The following MAGI3 variants were observed in gnomAD, a reference collection of about 807,000 sequenced individuals.
MAGI3 encodes membrane-associated guanylate kinase, WW and PDZ domain-containing protein 3.
Under a neutral mutation model 121.8 loss-of-function variants are expected in MAGI3, and 43 were observed. The observed-to-expected ratio is 0.35, with a 90% confidence interval of 0.28 to 0.46. The LOEUF (loss-of-function observed/expected upper bound fraction) is 0.46. Among genes scored for constraint, MAGI3 ranks in the 20% least tolerant of loss-of-function variants. The pLI is 1.00. For synonymous variants in MAGI3, 553 were observed against 639.3 expected, an observed-to-expected ratio of 0.86 and a Z score of 2.04; for missense variants, 1,547 against 1,797.3, an observed-to-expected ratio of 0.86 and a Z score of 2.52.
In MAGI3 at chr1:113,684,202, C is replaced by T; in HGVS notation, c.*188C>T. On this transcript the variant is annotated 3_prime_UTR_variant, in exon 21 of 21. Coordinates refer to ENST00000307546, the MANE Select transcript of MAGI3 (RefSeq NM_001142782.2). Reference sequence around the variant, plus strand: ...AAGAACCAACTGTCCCCCTGGCCGGCTGCCCTCCCTCGCTCTCAGGAAGGA... The same window carrying T: ...AAGAACCAACTGTCCCCCTGGCCGGTTGCCCTCCCTCGCTCTCAGGAAGGA... 1 of 579,706 alleles carries T rather than the reference C, an allele frequency of 1.7e-6. No homozygotes were observed. Among genetic ancestry groups the T allele is most frequent in the Non-Finnish European group, 2.7e-6 (1 of 366,296 alleles). 35.9% of individuals were successfully genotyped at this position (579,706 alleles called of 1,614,324 possible).
intron 2 of MAGI3, among the ~76,000 whole-genome samples, chr1:113,558,802 G>A (rs762835241): frequency 1.3e-5 from 2 of 152,096 alleles, no homozygotes; most frequent in Non-Finnish European, 2.9e-5. Flanking sequence ...AAAATGTTAA[G>A]CACAGCCAGA....
chr1:113,673,427 G>C lies in MAGI3; in HGVS notation c.3151G>C (p.Ala1051Pro). 6.2e-7 allele frequency: 1 copy of C among 1,612,980 alleles called. No homozygotes were observed. Residue 1051 changes from alanine to proline, a missense_variant, in exon 19 of 21, where the codon GCT becomes CCT. Transcript: ENST00000307546. ...YNMGLFILRL[A>P]EDGPAIKDGR... The stretch of plus-strand genomic sequence containing the variant: ...CATGGGGCTGTTCATCCTTCGTCTT[G>C]CTGAAGATGGTCCTGCCATCAAAGA...
At position 113,642,265 on chromosome 1, in the gene MAGI3, C is replaced by T; in HGVS notation, c.1715C>T (p.Ser572Phe). ...QRVSMASSGS[S>F]QPELVTIPLI... ...GTATCCATGGCATCGTCAGGCAGCTCCCAGCCTGAACTAGTGACTATCCCT... is the reference window on the plus strand; with the variant it reads ...GTATCCATGGCATCGTCAGGCAGCTTCCAGCCTGAACTAGTGACTATCCCT... The change falls in exon 10 of 21, where the codon TCC becomes TTC. Residue 572 changes from serine (S) to phenylalanine (F), a missense_variant. By Grantham distance (155) the Ser-to-Phe change is radical. Transcript: ENST00000307546. 6.2e-7 allele frequency: 1 copy of T among 1,614,158 alleles called. No homozygotes were observed. The highest frequency in any genetic ancestry group is 8.5e-7 in the Non-Finnish European group (1 of 1,180,026).
chr1:113,575,273 G>C (rs1373190897), intron 2 of MAGI3, among the ~76,000 whole-genome samples: 3 of 152,034 alleles, frequency 2.0e-5, no homozygotes, highest in African/African-American at 7.3e-5. Flanking sequence ...GAAGCATTCT[G>C]GTTTTTGGAA....
intron 1 of MAGI3, among the ~76,000 whole-genome samples, chr1:113,486,397 T>C (rs983570626): frequency 2.0e-5 from 3 of 152,184 alleles, no homozygotes; most frequent in African/African-American, 7.2e-5. Context: ...AGCAGTGTTT[T>C]GTAGTTTTCC....
chr1:113,546,290 A>G (rs930654389), intron 1 of MAGI3, among the ~76,000 whole-genome samples: 2 of 152,170 alleles, frequency 1.3e-5, no homozygotes, highest in Non-Finnish European at 2.9e-5. Flanking sequence ...AAAAAGTGTG[A>G]TAACTTTTTT....
At chr1:113,645,844 AT>A (rs1451150679) in intron 11 of MAGI3, among the ~76,000 whole-genome samples, 7 of 152,132 alleles carry the variant, frequency 4.6e-5, no homozygotes, top group Non-Finnish European at 7.4e-5. Context: ...TAAATAAGTC[AT>A]TTTGCTTGGC....
At chr1:113,576,806 A>T (rs970609459) in intron 2 of MAGI3, 10 of 152,138 alleles carry the variant, frequency 6.6e-5, no homozygotes, top group African/African-American at 2.4e-4. Context: ...TATTTTTCGG[A>T]TGTCTTGTTC....
At chr1:113,578,504 T>C (rs969439582) in intron 2 of MAGI3, among the ~76,000 whole-genome samples, 1 of 152,124 alleles carries the variant, frequency 6.6e-6, no homozygotes, top group African/African-American at 2.4e-5. Flanking sequence ...CACTGCATCC[T>C]TCAACTCCTG....
chr1:113,557,292 G>A (rs1479160152), intron 2 of MAGI3, among the ~76,000 whole-genome samples: 1 of 152,000 alleles, frequency 6.6e-6, no homozygotes, highest in Admixed American at 6.5e-5. Context: ...ACAGAGCTCT[G>A]ATCTCTCCCT....
intron 1 of MAGI3, among the ~76,000 whole-genome samples, chr1:113,425,415 TG>T (rs1652955888): frequency 6.7e-6 from 1 of 149,456 alleles, no homozygotes; most frequent in African/African-American, 2.5e-5. Flanking sequence ...CCCGAATAGC[TG>T]GGACTACAGG....
chr1:113,419,915 A>C (rs1253846186), intron 1 of MAGI3, among the ~76,000 whole-genome samples: 1 of 152,066 alleles, frequency 6.6e-6, no homozygotes, highest in African/African-American at 2.4e-5. Context: ...CCATCTTCAG[A>C]GCGTTATCAG....
chr1:113,616,210 T>C (rs1650452315), intron 7 of MAGI3, among the ~76,000 whole-genome samples: 1 of 152,160 alleles, frequency 6.6e-6, no homozygotes, highest in East Asian at 1.9e-4. Context: ...GTACATGAAA[T>C]AGCCTGAATT....
chr1:113,603,891 A>G (rs749960847), intron 6 of MAGI3, among the ~76,000 whole-genome samples: 3 of 152,238 alleles, frequency 2.0e-5, no homozygotes, highest in Non-Finnish European at 4.4e-5. Flanking sequence ...CAACAAACAT[A>G]TGAAAAAAAA....
At chr1:113,425,111 A>G (rs1033252927) in intron 1 of MAGI3, among the ~76,000 whole-genome samples, 14 of 151,932 alleles carry the variant, frequency 9.2e-5, no homozygotes, top group South Asian at 2.1e-4. Flanking sequence ...GTGGGCCGAG[A>G]TCACGCCATT....
At chr1:113,601,255 A>G (rs1384201280) in intron 6 of MAGI3, among the ~76,000 whole-genome samples, 3 of 152,188 alleles carry the variant, frequency 2.0e-5, no homozygotes, top group Admixed American at 6.5e-5. Flanking sequence ...TCTGCACAGC[A>G]AAAGAAACTA....
intron 1 of MAGI3, among the ~76,000 whole-genome samples, chr1:113,423,269 G>GGTGGTTT (rs1484373798): frequency 1.5e-5 from 2 of 135,250 alleles, no homozygotes; most frequent in Admixed American, 1.5e-4. Flanking sequence ...TGGGGGGGGG[G>GGTGGTTT]TTGTTTTTGT....
chr1:113,629,717 A>G (rs924663705), intron 9 of MAGI3, among the ~76,000 whole-genome samples: 8 of 146,010 alleles, frequency 5.5e-5, no homozygotes, highest in Admixed American at 5.4e-4. Flanking sequence ...CCAAACAAAC[A>G]AAGTCAGTCT....
chr1:113,454,854 G>A lies in MAGI3; in HGVS notation c.316+63505G>A, dbSNP rs1654667427. On this transcript the variant is annotated intron_variant, in intron 1 of 20. Coordinates refer to ENST00000307546, the MANE Select transcript of MAGI3 (RefSeq NM_001142782.2). ...TATAGTAAATGCTCAGTAAATGATA[G>A]TCATCATCATCCTTATCAACCTTGA... Among the ~76,000 whole-genome samples, 3 of 152,144 alleles carry A rather than the reference G, an allele frequency of 2.0e-5. No homozygotes were observed. The South Asian group carries it at 6.2e-4, about 32-fold the overall frequency.
Sources: gnomAD v4.1 joint callset for allele counts (sites outside exome capture counted in the v4.1 genomes callset) on GRCh38, gnomAD v4.1.1 for gene constraint, MANE v1.5 for transcripts, NCBI Gene and HGNC (gene_info 2026-07-23, HGNC 2026-07-21) for gene names.